The following P3H2 variants were observed in gnomAD, a reference collection of about 807,000 sequenced individuals.
P3H2 encodes the protein prolyl 3-hydroxylase 2.
Under a neutral mutation model 87.0 loss-of-function variants are expected in P3H2, and 80 were observed. The ratio of observed to expected loss-of-function variants is 0.92; its 90% confidence interval spans 0.77 to 1.11. The LOEUF (loss-of-function observed/expected upper bound fraction) is 1.11, where lower values mean the gene tolerates loss of function less well. Among genes scored for constraint, P3H2 ranks in the 50% least tolerant of loss-of-function variants. P3H2 has a pLI of 0.00. For missense variants in P3H2, 1,001 were observed against 923.9 expected, an observed-to-expected ratio of 1.08 and a Z score of -1.08; for synonymous variants, 367 against 359.3, an observed-to-expected ratio of 1.02 and a Z score of -0.24.
At position 190,028,107 on chromosome 3, in the gene P3H2, T is replaced by C. The variant is rs558380012; in HGVS notation, c.481-32665A>G. Among the ~76,000 whole-genome samples the C allele has an allele frequency of 3.3e-5, 5 of 152,298 alleles. No individual in the cohort carries two copies. In the South Asian group the frequency reaches 6.2e-4, roughly 19 times the overall value. On this transcript the variant is annotated intron_variant, in intron 1 of 14. Transcript: ENST00000319332. ...TCAATAAGTTCCCTCTATTTCCACA[T>C]ATTTCTAGAAGAATGATTGATAATT...
intron 6 of P3H2, among the ~76,000 whole-genome samples, chr3:189,985,425 T>C (rs1723659953): frequency 6.6e-6 from 1 of 151,572 alleles, no homozygotes; most frequent in Admixed American, 6.6e-5. Context: ...CTGATAAATT[T>C]GTGGTAAAAT....
intron 1 of P3H2, among the ~76,000 whole-genome samples, chr3:190,100,698 T>C (rs1017313259): frequency 6.6e-6 from 1 of 152,116 alleles, no homozygotes; most frequent in Non-Finnish European, 1.5e-5. Flanking sequence ...TTCATGCTAT[T>C]ATTCTCAAAC....
At chr3:189,971,389 A>G (rs562505980) in intron 12 of P3H2, among the ~76,000 whole-genome samples, 19 of 152,348 alleles carry the variant, frequency 1.2e-4, no homozygotes, top group East Asian at 1.2e-3. Flanking sequence ...GGATGAACAC[A>G]TGGTGACTAT....
chr3:190,065,157 T>C (rs1040978466), intron 1 of P3H2, among the ~76,000 whole-genome samples: 35 of 152,186 alleles, frequency 2.3e-4, no homozygotes, highest in African/African-American at 8.2e-4. Context: ...ATCTGGTTGT[T>C]CACTAAACTT....
At position 190,021,615 on chromosome 3, in the gene P3H2, T is replaced by C. The variant is rs781102064; in HGVS notation, c.481-26173A>G. 7.0e-4 allele frequency among the ~76,000 whole-genome samples: 95 copies of C among 135,158 alleles called. 24 individuals are homozygous for C. The highest frequency in any genetic ancestry group is 1.4e-3 in the Non-Finnish European group (82 of 60,418). 88.7% of individuals were successfully genotyped at this position (135,158 alleles called of 152,430 possible). A position where few individuals can be genotyped will look rare whatever the true frequency, so the allele number is the denominator to read the frequency against. ...ATAAAATCCATACTTCTGGCTTAAA[T>C]TGCACACATTTGTAATATTCATACC... is the stretch of plus-strand genomic sequence containing the variant. On this transcript the variant is annotated intron_variant, in intron 1 of 14. Coordinates refer to ENST00000319332, the MANE Select transcript of P3H2 (RefSeq NM_018192.4).
intron 1 of P3H2, among the ~76,000 whole-genome samples, chr3:190,045,239 T>A (rs1725763593): frequency 6.6e-6 from 1 of 152,234 alleles, no homozygotes. Context: ...TAAGCCATTG[T>A]AGGCCAATGT....
In P3H2 at chr3:190,022,329, G is replaced by A. The variant is rs932989996; in HGVS notation, c.481-26887C>T. 9.6e-5 allele frequency among the ~76,000 whole-genome samples: 13 copies of A among 135,274 alleles called. 1 individual carries two copies. Among genetic ancestry groups the A allele is most frequent in the African/African-American group, 3.3e-4 (13 of 39,172 alleles). The allele number at this position is 135,274 out of a possible 152,430, so 88.7% of individuals were successfully genotyped here. ...TTTAAGGCACAAATGAGCCCCTCAGGGGTGGGGTGTGCATTCAAGAAAACA... is the reference window on the plus strand; with the variant it reads ...TTTAAGGCACAAATGAGCCCCTCAGAGGTGGGGTGTGCATTCAAGAAAACA... On this transcript the variant is annotated intron_variant, in intron 1 of 14. Coordinates refer to ENST00000319332, the MANE Select transcript of P3H2 (RefSeq NM_018192.4).
intron 1 of P3H2, among the ~76,000 whole-genome samples, chr3:190,114,215 G>A (rs1029155244): frequency 7.1e-5 from 10 of 141,738 alleles, no homozygotes; most frequent in Non-Finnish European, 1.4e-4. Context: ...GCGGAGTCTT[G>A]CTCTGTCGCC....
rs572330699 is a variant in P3H2 at position 190,083,161 on chromosome 3, T to G, written c.480+37091A>C. 3.3e-4 allele frequency among the ~76,000 whole-genome samples: 50 copies of G among 152,244 alleles called. No homozygotes were observed. The South Asian group carries it at 6.4e-3, about 20-fold the overall frequency. On this transcript the variant is annotated intron_variant, in intron 1 of 14. Coordinates refer to ENST00000319332, the MANE Select transcript of P3H2 (RefSeq NM_018192.4). ...TGAAAACACAATCATGAAAATAACT[T>G]GCCTTTTTTGCCTCTTTAGCCTAAC...
At chr3:189,966,874 G>A (rs983427089) in intron 13 of P3H2, among the ~76,000 whole-genome samples, 8 of 152,122 alleles carry the variant, frequency 5.3e-5, no homozygotes, top group Non-Finnish European at 5.9e-5. Flanking sequence ...TTAGAAAAGC[G>A]TTTGTGCTGT....
intron 1 of P3H2, among the ~76,000 whole-genome samples, chr3:190,061,013 T>C (rs1278087735): frequency 2.0e-5 from 3 of 152,102 alleles, no homozygotes; most frequent in Non-Finnish European, 4.4e-5. Flanking sequence ...GGCTATTCCA[T>C]CACCCAGATA....
At chr3:190,011,264 T>A (rs1724578373) in intron 1 of P3H2, among the ~76,000 whole-genome samples, 1 of 135,528 alleles carries the variant, frequency 7.4e-6, no homozygotes, top group African/African-American at 2.7e-5. Flanking sequence ...AGAGCAAGAC[T>A]CCATCTCCAA....
chr3:190,007,965 C>CATATATAT (rs1553875103), intron 1 of P3H2, among the ~76,000 whole-genome samples: 7 of 94,356 alleles, frequency 7.4e-5, no homozygotes, highest in Non-Finnish European at 1.5e-4. Flanking sequence ...TGTTGACACA[C>CATATATAT]ATATATATAT....
chr3:189,992,302 G>A (rs574374417), intron 3 of P3H2, among the ~76,000 whole-genome samples: 9 of 152,162 alleles, frequency 5.9e-5, no homozygotes, highest in African/African-American at 1.9e-4. Context: ...CACCATGTTG[G>A]CCAGGCTAGT....
chr3:190,086,601 A>G (rs1028960708), intron 1 of P3H2, among the ~76,000 whole-genome samples: 9 of 152,164 alleles, frequency 5.9e-5, no homozygotes, highest in South Asian at 2.1e-4. Flanking sequence ...AGATTTCTCA[A>G]TTTCACAAAT....
intron 1 of P3H2, among the ~76,000 whole-genome samples, chr3:190,111,999 G>A (rs922386751): frequency 6.6e-6 from 1 of 152,142 alleles, no homozygotes; most frequent in Non-Finnish European, 1.5e-5. Context: ...TGGAATAATG[G>A]GGAGTGCGAT....
At chr3:190,075,184 A>T (rs1726827686) in intron 1 of P3H2, among the ~76,000 whole-genome samples, 1 of 152,218 alleles carries the variant, frequency 6.6e-6, no homozygotes, top group South Asian at 2.1e-4. Flanking sequence ...CTGTCATGCA[A>T]AGTAGAAAAG....
At chr3:189,980,591 G>C (rs1723502248) in intron 8 of P3H2, among the ~76,000 whole-genome samples, 1 of 151,944 alleles carries the variant, frequency 6.6e-6, no homozygotes, top group African/African-American at 2.4e-5. Context: ...ATATGAAAGT[G>C]TTTTCTGGTT....
intron 8 of P3H2, among the ~76,000 whole-genome samples, chr3:189,978,383 C>T (rs1723417249): frequency 6.6e-6 from 1 of 152,108 alleles, no homozygotes. Context: ...AATTAATAAG[C>T]TACACCTGGA....
Sources: allele counts gnomAD v4.1 joint callset (sites outside exome capture counted in the v4.1 genomes callset), GRCh38; gene constraint gnomAD v4.1.1; transcripts MANE v1.5; gene names NCBI Gene and HGNC (gene_info 2026-07-23, HGNC 2026-07-21).